The following ZNF827 variants were observed in gnomAD, a reference collection of about 807,000 sequenced individuals.
ZNF827 encodes zinc finger protein 827.
In ZNF827, 13 loss-of-function variants were observed where a neutral mutation model predicts 102.4. The ratio of observed to expected loss-of-function variants is 0.13; its 90% CI spans 0.08 to 0.20. The LOEUF (loss-of-function observed/expected upper bound fraction) is 0.20, where lower values mean the gene tolerates loss of function less well. Among genes scored for constraint, ZNF827 ranks in the 10% least tolerant of loss-of-function variants. The pLI is 1.00. For missense variants in ZNF827, 1,103 were observed against 1,344.4 expected, an observed-to-expected ratio of 0.82 and a Z score of 2.81; for synonymous variants, 523 against 536.2, an observed-to-expected ratio of 0.98 and a Z score of 0.34.
At chr4:145,838,300 C>T (rs957743181) in intron 7 of ZNF827, among the ~76,000 whole-genome samples, 2 of 152,114 alleles carry the variant, frequency 1.3e-5, no homozygotes, top group African/African-American at 2.4e-5. Context: ...GAGCACCTTG[C>T]GACCCCCACT....
chr4:145,767,189 A>C (rs543528852), intron 11 of ZNF827, among the ~76,000 whole-genome samples: 9 of 152,332 alleles, frequency 5.9e-5, no homozygotes, highest in Admixed American at 5.9e-4. Flanking sequence ...TCAAGAAGTT[A>C]AGTAGAGACA....
intron 8 of ZNF827, among the ~76,000 whole-genome samples, chr4:145,781,195 C>CAAAAAAAAAAAAAAAAAAAAAAAAA (rs10605153): frequency 2.8e-4 from 16 of 56,542 alleles, no homozygotes; most frequent in East Asian, 1.4e-3. Context: ...GACACCATCT[C>CAAAAAAAAAAAAAAAAAAAAAAAAA]AAAAAAAAAA....
chr4:145,891,424 G>A (rs1750595620), intron 3 of ZNF827, among the ~76,000 whole-genome samples: 1 of 152,090 alleles, frequency 6.6e-6, no homozygotes. Flanking sequence ...GTTTCCTCCT[G>A]GATTTTGAGA....
At chr4:145,805,990 T>C (rs555131037) in intron 8 of ZNF827, among the ~76,000 whole-genome samples, 1 of 152,094 alleles carries the variant, frequency 6.6e-6, no homozygotes, top group South Asian at 2.1e-4. Context: ...TTTTTTTTCA[T>C]GATGTTACCT....
chr4:145,787,415 C>G (rs1403583549), intron 8 of ZNF827, among the ~76,000 whole-genome samples: 1 of 149,706 alleles, frequency 6.7e-6, no homozygotes, highest in Non-Finnish European at 1.5e-5. Flanking sequence ...TGAGCTGAGA[C>G]CACGCCATTG....
intron 4 of ZNF827, among the ~76,000 whole-genome samples, chr4:145,875,402 T>A (rs1244488156): frequency 6.6e-6 from 1 of 152,168 alleles, no homozygotes. Context: ...AACCCCTTCC[T>A]TTCTCTCCAA....
At chr4:145,874,846 G>C (rs1256473547) in intron 4 of ZNF827, among the ~76,000 whole-genome samples, 2 of 152,196 alleles carry the variant, frequency 1.3e-5, no homozygotes, top group South Asian at 4.1e-4. Context: ...CTCTCTCGCT[G>C]TTTGTTCCCA....
At chr4:145,862,475 A>G (rs1747821142) in intron 5 of ZNF827, among the ~76,000 whole-genome samples, 1 of 152,022 alleles carries the variant, frequency 6.6e-6, no homozygotes. Flanking sequence ...TCAAGGGCTA[A>G]AAAAAGTCTA....
At chr4:145,922,642 C>T (rs926686136) in intron 1 of ZNF827, among the ~76,000 whole-genome samples, 1 of 152,190 alleles carries the variant, frequency 6.6e-6, no homozygotes, top group African/African-American at 2.4e-5. Flanking sequence ...ATGCATAAAG[C>T]ACTTCTGCTA....
chr4:145,838,404 A>ACT (rs1745091872), intron 7 of ZNF827, among the ~76,000 whole-genome samples: 1 of 151,698 alleles, frequency 6.6e-6, no homozygotes, highest in Admixed American at 6.6e-5. Flanking sequence ...CCCTTCGCTG[A>ACT]CTCTTTTCGG....
At chr4:145,826,787 C>T (rs780123828) in intron 7 of ZNF827, among the ~76,000 whole-genome samples, 1 of 151,692 alleles carries the variant, frequency 6.6e-6, no homozygotes, top group Non-Finnish European at 1.5e-5. Flanking sequence ...GCTCTTGTTG[C>T]CCAGGCTGGA....
Position 145,779,383 on chromosome 4 carries a change from G to A in ZNF827, c.2512C>T (p.Leu838=). Residue 838 remains leucine (L), a synonymous_variant, in exon 9 of 15, where the codon CTG becomes TTG. Coordinates refer to ENST00000508784, the MANE Select transcript of ZNF827 (RefSeq NM_001306215.2). ...GGCCCTACTCACTCACCTGTGTGCA[G>A]CGAGAGGTGTCGGGACAATGTCTGC... ...RQQTLSRHLS[L]HTEERKYKCH... 1.2e-6 allele frequency: 2 copies of A among 1,614,080 alleles called. No individual in the cohort carries two copies. Among genetic ancestry groups the A allele is most frequent in the Non-Finnish European group, 1.7e-6 (2 of 1,179,948 alleles).
chr4:145,890,725 A>C (rs990628398), intron 3 of ZNF827, among the ~76,000 whole-genome samples: 1 of 152,208 alleles, frequency 6.6e-6, no homozygotes, highest in Non-Finnish European at 1.5e-5. Flanking sequence ...TTGCAGGTTT[A>C]AAATACAAGT....
intron 8 of ZNF827, among the ~76,000 whole-genome samples, chr4:145,812,437 T>C (rs1742113846): frequency 6.6e-6 from 1 of 152,140 alleles, no homozygotes; most frequent in Non-Finnish European, 1.5e-5. Flanking sequence ...CAGCTCGGCA[T>C]CTAAGGTGAA....
Position 145,765,911 on chromosome 4 carries a change from T to G in ZNF827, c.2861-173A>C, listed in dbSNP as rs753303391. Among the ~76,000 whole-genome samples, 4 of 152,160 alleles carry G rather than the reference T, an allele frequency of 2.6e-5. No homozygotes were observed. The highest frequency in any genetic ancestry group is 5.9e-5 in the Non-Finnish European group (4 of 68,016). On this transcript the variant is annotated intron_variant, in intron 11 of 14. Coordinates refer to ENST00000508784, the MANE Select transcript of ZNF827 (RefSeq NM_001306215.2). The surrounding 1 kb of genome is among the most constrained non-coding windows in gnomAD (Gnocchi z 4.7). Reference sequence around the variant, plus strand: ...CCCAGGTCCTAAGGCACCTACCTCCTTTGTGGTACTGGGGGCCAAGAGCAG... The same window carrying G: ...CCCAGGTCCTAAGGCACCTACCTCCGTTGTGGTACTGGGGGCCAAGAGCAG...
At chr4:145,917,874 T>A (rs1301039248) in intron 1 of ZNF827, among the ~76,000 whole-genome samples, 1 of 152,122 alleles carries the variant, frequency 6.6e-6, no homozygotes, top group Non-Finnish European at 1.5e-5. Context: ...CTTTTTCACC[T>A]AAGAACTGTC....
chr4:145,827,054 GT>G (rs1212483838), intron 7 of ZNF827, among the ~76,000 whole-genome samples: 5 of 152,196 alleles, frequency 3.3e-5, no homozygotes, highest in Non-Finnish European at 7.3e-5. Flanking sequence ...GCCAACCACT[GT>G]GGGTCTTGAA....
At chr4:145,779,569 T>A (rs1481797210) in intron 8 of ZNF827, 58 bp from the exon 9 acceptor site, 4 of 1,581,420 alleles carry the variant, frequency 2.5e-6, no homozygotes, top group Non-Finnish European at 3.4e-6. Context: ...CATTTTCTGT[T>A]AGTCAACATT....
At chr4:145,775,179 G>C (rs962336167) in intron 10 of ZNF827, among the ~76,000 whole-genome samples, 2 of 152,156 alleles carry the variant, frequency 1.3e-5, no homozygotes, top group African/African-American at 4.8e-5. Context: ...ACTTCTGATA[G>C]AAGCCACCCA....
Sources: gnomAD v4.1 joint callset for allele counts (sites outside exome capture counted in the v4.1 genomes callset) on GRCh38, gnomAD v4.1.1 for gene constraint, Gnocchi (gnomAD v3.1) non-coding constraint, MANE v1.5 for transcripts, NCBI Gene and HGNC (gene_info 2026-07-23, HGNC 2026-07-21) for gene names.